The following GSK3B variants were observed in gnomAD, a reference collection of about 807,000 sequenced individuals.
The protein encoded by GSK3B is glycogen synthase kinase-3 beta.
A neutral mutation model predicts 56.4 loss-of-function variants in GSK3B; 15 were observed. The observed-to-expected ratio is 0.27, with a 90% CI of 0.18 to 0.41. The LOEUF is 0.41. Among genes scored for constraint, GSK3B ranks in the 10% least tolerant of loss-of-function variants. The pLI, the probability that GSK3B is intolerant of heterozygous loss-of-function variation, is 1.00. For synonymous variants in GSK3B, 181 were observed against 188.9 expected, an observed-to-expected ratio of 0.96 and a Z score of 0.34; for missense variants, 300 against 513.4, an observed-to-expected ratio of 0.58 and a Z score of 4.02.
intron 7 of GSK3B, among the ~76,000 whole-genome samples, chr3:119,883,052 TCATCCATTTAC>T (rs1373928938): frequency 6.6e-6 from 1 of 152,166 alleles, no homozygotes; most frequent in East Asian, 1.9e-4. Flanking sequence ...AAAATCCTAT[TCATCCATTTAC>T]CATCACATGA....
chr3:119,905,971 C>T, intron 6 of GSK3B, 119 bp from the exon 7 acceptor site: 1 of 637,718 alleles, frequency 1.6e-6, no homozygotes, highest in South Asian at 2.1e-5. Flanking sequence ...AAAGATTATA[C>T]AATCCAAAAC....
At chr3:120,066,873 T>C (rs1327755734) in intron 1 of GSK3B, among the ~76,000 whole-genome samples, 1 of 152,206 alleles carries the variant, frequency 6.6e-6, no homozygotes, top group African/African-American at 2.4e-5. Context: ...GGATCGTATT[T>C]GGCCTATAAG....
At chr3:119,951,976 T>C (rs554224651) in intron 2 of GSK3B, among the ~76,000 whole-genome samples, 40 of 143,182 alleles carry the variant, frequency 2.8e-4, no homozygotes, top group African/African-American at 1.0e-3. Context: ...CCCAGTGAAC[T>C]TGAAGAAATA....
chr3:119,877,088 A>C (rs1197390824), intron 7 of GSK3B, among the ~76,000 whole-genome samples: 1 of 152,246 alleles, frequency 6.6e-6, no homozygotes, highest in Non-Finnish European at 1.5e-5. Flanking sequence ...CTGTATTACC[A>C]TAGACAGACT....
intron 5 of GSK3B, among the ~76,000 whole-genome samples, chr3:119,915,453 T>C (rs1382541132): frequency 6.6e-6 from 1 of 152,138 alleles, no homozygotes; most frequent in East Asian, 1.9e-4. Flanking sequence ...CTACATTATA[T>C]TCCCAAAGAT....
chr3:120,028,718 T>A (rs758240337), intron 1 of GSK3B: 14 of 464,462 alleles, frequency 3.0e-5, no homozygotes, highest in African/African-American at 5.9e-5. Context: ...TTGCAGGCCA[T>A]GGTGGGGCAG....
In GSK3B at chr3:120,011,025, T is replaced by C. The variant is rs1228535508; in HGVS notation, c.89-8786A>G. On this transcript the variant is annotated intron_variant, in intron 1 of 10. Transcript: ENST00000264235. ...GGGAGGCTGCAGTGAGCTGAGATCA[T>C]GCCACTGTACTCCAGCCTGGGCAAC... Among the ~76,000 whole-genome samples, 5 of 152,166 alleles carry C rather than the reference T, an allele frequency of 3.3e-5. No individual in the cohort carries two copies. In the East Asian group the frequency reaches 9.6e-4, roughly 29 times the overall value.
chr3:120,008,200 A>T (rs1307200740), intron 1 of GSK3B, among the ~76,000 whole-genome samples: 3 of 152,258 alleles, frequency 2.0e-5, no homozygotes, highest in Admixed American at 1.3e-4. Flanking sequence ...TTCAAGGAGA[A>T]CTACAAACCA....
intron 1 of GSK3B, among the ~76,000 whole-genome samples, chr3:120,086,767 G>C (rs368379113): frequency 6.6e-6 from 1 of 151,482 alleles, no homozygotes; most frequent in Non-Finnish European, 1.5e-5. Flanking sequence ...TGCACTCCAG[G>C]CTAGGCATAG....
chr3:119,869,393 T>C (rs1448828023), intron 8 of GSK3B, among the ~76,000 whole-genome samples: 1 of 152,126 alleles, frequency 6.6e-6, no homozygotes, highest in Non-Finnish European at 1.5e-5. Flanking sequence ...TCCTCCCAAG[T>C]AAAATTGCTA....
intron 1 of GSK3B, among the ~76,000 whole-genome samples, chr3:120,079,350 A>G (rs56998611): frequency 3.1e-5 from 3 of 96,508 alleles, no homozygotes; most frequent in Non-Finnish European, 6.5e-5. Flanking sequence ...ACACACACAC[A>G]TTTTTTTTTT....
intron 1 of GSK3B, among the ~76,000 whole-genome samples, chr3:120,061,051 A>T (rs1306599179): frequency 6.6e-6 from 1 of 152,206 alleles, no homozygotes; most frequent in Non-Finnish European, 1.5e-5. Context: ...TCATCAAAAA[A>T]ACACCATCAA....
chr3:119,899,853 T>C (rs1261538110), intron 7 of GSK3B, among the ~76,000 whole-genome samples: 1 of 152,156 alleles, frequency 6.6e-6, no homozygotes, highest in African/African-American at 2.4e-5. Context: ...GTAGAATTTG[T>C]AGGTCCTTCT....
At chr3:120,029,153 G>C in intron 1 of GSK3B, 1 of 694,240 alleles carries the variant, frequency 1.4e-6, no homozygotes, top group Non-Finnish European at 2.6e-6. Flanking sequence ...GCTGACGGTT[G>C]GGATAGCATA....
At chr3:119,989,766 G>A (rs1009037911) in intron 2 of GSK3B, among the ~76,000 whole-genome samples, 5 of 151,958 alleles carry the variant, frequency 3.3e-5, no homozygotes, top group African/African-American at 1.2e-4. Flanking sequence ...CTAATAATAT[G>A]CCTGGGACTA....
At chr3:119,891,687 G>A (rs2056503874) in intron 7 of GSK3B, among the ~76,000 whole-genome samples, 1 of 152,016 alleles carries the variant, frequency 6.6e-6, no homozygotes, top group African/African-American at 2.4e-5. Context: ...CCTGAAAACT[G>A]AGTCCTTTTT....
chr3:119,937,205 T>C (rs1278983856), intron 3 of GSK3B, among the ~76,000 whole-genome samples: 1 of 152,084 alleles, frequency 6.6e-6, no homozygotes, highest in East Asian at 1.9e-4. Flanking sequence ...CTAAACCTCA[T>C]GGTAAAACTT....
chr3:119,958,237 A>T (rs966770214), intron 2 of GSK3B, among the ~76,000 whole-genome samples: 7 of 152,192 alleles, frequency 4.6e-5, no homozygotes, highest in African/African-American at 1.7e-4. Flanking sequence ...AGGCCTCCCC[A>T]GCCATGTGGA....
chr3:119,872,319 A>T (rs976215674), intron 8 of GSK3B, among the ~76,000 whole-genome samples: 1 of 152,160 alleles, frequency 6.6e-6, no homozygotes, highest in Admixed American at 6.6e-5. Flanking sequence ...TCAAGAACAG[A>T]GTGACTAAAT....
Sources: allele counts gnomAD v4.1 joint callset (sites outside exome capture counted in the v4.1 genomes callset), GRCh38; gene constraint gnomAD v4.1.1; transcripts MANE v1.5; gene names NCBI Gene and HGNC (gene_info 2026-07-23, HGNC 2026-07-21).